Variants in MIPEP observed in about 807,000 individuals in gnomAD.
The protein encoded by MIPEP is mitochondrial intermediate peptidase.
In MIPEP, 79 loss-of-function variants were observed where a neutral mutation model predicts 90.3. The observed-to-expected ratio is 0.87, with a 90% CI of 0.73 to 1.05. The LOEUF (loss-of-function observed/expected upper bound fraction) is 1.05. Ranked by LOEUF, MIPEP falls within the 50% of genes least tolerant of loss-of-function variation. The pLI, the probability that MIPEP is intolerant of heterozygous loss-of-function variation, is 0.00. For missense variants in MIPEP, 940 were observed against 905.6 expected (o/e 1.04, Z -0.49); for synonymous variants, 334 against 315.8 (o/e 1.06, Z -0.61).
At chr13:23,822,298 A>C (rs1428843738) in intron 14 of MIPEP, among the ~76,000 whole-genome samples, 3 of 152,342 alleles carry the variant, frequency 2.0e-5, no homozygotes, top group Non-Finnish European at 4.4e-5. Context: ...GTTTATTTTT[A>C]AAAACTCAAG....
At chr13:23,841,605 CA>C in intron 10 of MIPEP, 117 bp from the exon 11 acceptor site, 1 of 1,125,254 alleles carries the variant, frequency 8.9e-7, no homozygotes, top group Non-Finnish European at 1.2e-6. Context: ...GGATTCAAAA[CA>C]TAAAAGTGTA....
chr13:23,857,633 A>G (rs1205159019), intron 10 of MIPEP, among the ~76,000 whole-genome samples: 3 of 152,210 alleles, frequency 2.0e-5, no homozygotes, highest in African/African-American at 7.2e-5. Context: ...ATTCTTAACT[A>G]AAGGTTAGGA....
At chr13:23,825,893 A>C (rs1432566823) in intron 14 of MIPEP, among the ~76,000 whole-genome samples, 2 of 152,156 alleles carry the variant, frequency 1.3e-5, no homozygotes, top group Non-Finnish European at 2.9e-5. Context: ...AGTGAGTATT[A>C]ACTTCTCTTA....
chr13:23,832,992 T>C (rs1223971229), intron 14 of MIPEP, among the ~76,000 whole-genome samples: 4 of 152,218 alleles, frequency 2.6e-5, no homozygotes, highest in Non-Finnish European at 1.5e-5. Flanking sequence ...TATGCTATGA[T>C]ATAGTTCTGA....
Position 23,889,182 on chromosome 13 carries a change from A to G in MIPEP, c.139T>C (p.Phe47Leu). Reference sequence around the variant, plus strand: ...CGGCTGCCCTGGGGCTTGACATTGAAGGCGGCGCCCACGGGAGACCAGCTG... The same window carrying G: ...CGGCTGCCCTGGGGCTTGACATTGAGGGCGGCGCCCACGGGAGACCAGCTG... ...STSWSPVGAA[F>L]NVKPQGSRLD... The change falls in exon 1 of 19, where the codon TTC becomes CTC. Residue 47 changes from phenylalanine (F) to leucine (L), a missense_variant. Coordinates refer to ENST00000382172, the MANE Select transcript of MIPEP (RefSeq NM_005932.4). The G allele has an allele frequency of 6.8e-7, 1 of 1,466,292 alleles. No individual in the cohort carries two copies. The highest frequency in any genetic ancestry group is 2.9e-5 in the East Asian group (1 of 34,248). The allele number at this position is 1,466,292 out of a possible 1,614,324, so 90.8% of individuals were successfully genotyped here.
intron 15 of MIPEP, among the ~76,000 whole-genome samples, chr13:23,807,907 A>T (rs1953128560): frequency 1.3e-5 from 2 of 152,318 alleles, no homozygotes; most frequent in South Asian, 4.1e-4. Flanking sequence ...AACAGAGCAA[A>T]ATAAATTAAA....
intron 18 of MIPEP, among the ~76,000 whole-genome samples, chr13:23,732,197 C>A (rs1952213631): frequency 6.6e-6 from 1 of 151,852 alleles, no homozygotes; most frequent in South Asian, 2.1e-4. Flanking sequence ...TCATGTTGCC[C>A]AGGCTGGTCT....
At chr13:23,777,280 A>G (rs919084057) in intron 16 of MIPEP, among the ~76,000 whole-genome samples, 1 of 152,200 alleles carries the variant, frequency 6.6e-6, no homozygotes, top group Non-Finnish European at 1.5e-5. Flanking sequence ...GCAAGTCTCT[A>G]CTGATCTTGC....
At chr13:23,802,180 A>G (rs2137394395) in intron 16 of MIPEP, among the ~76,000 whole-genome samples, 1 of 152,182 alleles carries the variant, frequency 6.6e-6, no homozygotes, top group East Asian at 1.9e-4. Context: ...GAGTATTGTA[A>G]TGTGGTTTTA....
intron 18 of MIPEP, among the ~76,000 whole-genome samples, chr13:23,753,095 G>T (rs575523958): frequency 6.6e-6 from 1 of 152,122 alleles, no homozygotes; most frequent in African/African-American, 2.4e-5. Context: ...GGGCATGGTG[G>T]CACATGCCTG....
chr13:23,841,589 AAAG>A, intron 10 of MIPEP, 101 bp from the exon 11 acceptor site: 1 of 1,272,736 alleles, frequency 7.9e-7, no homozygotes, highest in South Asian at 1.6e-5. Context: ...CACTGGAGCT[AAAG>A]AAGGATTCAA....
In MIPEP at chr13:23,864,735, C is replaced by CA. The variant is rs373133876; in HGVS notation, c.944-547dup. Among the ~76,000 whole-genome samples, 15 of 85,248 alleles carry CA rather than the reference C, an allele frequency of 1.8e-4. 1 individual carries two copies. Among genetic ancestry groups the CA allele is most frequent in the African/African-American group, 3.7e-4 (8 of 21,768 alleles). 55.9% of individuals were successfully genotyped at this position (85,248 alleles called of 152,430 possible). ...TGGGCAAGAAAGTGAGACTCCATCT[C>CA]AAAAAAAAAAAAAAAAAGAGTTAAT... is the stretch of plus-strand genomic sequence containing the variant. On this transcript the variant is annotated intron_variant, in intron 7 of 18. Transcript: ENST00000382172.
At chr13:23,780,547 C>T (rs1952770264) in intron 16 of MIPEP, among the ~76,000 whole-genome samples, 4 of 152,132 alleles carry the variant, frequency 2.6e-5, no homozygotes, top group Admixed American at 2.0e-4. Context: ...ATCAGAGCGC[C>T]TCTCCCCCTC....
chr13:23,784,694 A>G (rs528962134), intron 16 of MIPEP, among the ~76,000 whole-genome samples: 12 of 152,374 alleles, frequency 7.9e-5, no homozygotes, highest in African/African-American at 2.9e-4. Flanking sequence ...CATCAGAGTG[A>G]ACAGGCAACC....
At position 23,747,477 on chromosome 13, in the gene MIPEP, G is replaced by A. The variant is rs570374755; in HGVS notation, c.2044+9068C>T. The A allele has an allele frequency of 2.6e-3, 1,239 of 476,972 alleles. 27 individuals are homozygous for A. Among genetic ancestry groups the A allele is most frequent in the South Asian group, 0.013 (878 of 65,632 alleles). The allele number at this position is 476,972 out of a possible 1,614,324, so 29.5% of individuals were successfully genotyped here. A position where few individuals can be genotyped will look rare whatever the true frequency, so the allele number is the denominator to read the frequency against. The stretch of plus-strand genomic sequence containing the variant: ...TTAACAGTCAGTACTCGTCCAGTGG[G>A]CAGAACCAAGCACTGTACTAGAACA... On this transcript the variant is annotated intron_variant, in intron 18 of 18. Transcript: ENST00000382172.
intron 5 of MIPEP, among the ~76,000 whole-genome samples, chr13:23,873,844 C>T (rs1870941912): frequency 6.6e-6 from 1 of 152,144 alleles, no homozygotes; most frequent in Non-Finnish European, 1.5e-5. Flanking sequence ...ACAGTAGAGC[C>T]CATAAGCCTC....
In MIPEP at chr13:23,760,001, T is replaced by C. The variant is rs557408244; in HGVS notation, c.1970+95A>G. 3.3e-6 allele frequency: 5 copies of C among 1,500,562 alleles called. No homozygotes were observed. The East Asian group carries it at 9.1e-5, about 27-fold the overall frequency. The allele number at this position is 1,500,562 out of a possible 1,614,324, so 93.0% of individuals were successfully genotyped here. A position where few individuals can be genotyped will look rare whatever the true frequency, so the allele number is the denominator to read the frequency against. On this transcript the variant is annotated intron_variant, in intron 17 of 18. Transcript: ENST00000382172. The stretch of plus-strand genomic sequence containing the variant: ...CTTTCTGCCAGGTTTGGCTGTGTTA[T>C]GTGGGCTGCAGTTCTCGAGCCCGAC...
At chr13:23,754,732 C>A (rs533125644) in intron 18 of MIPEP, among the ~76,000 whole-genome samples, 1 of 152,324 alleles carries the variant, frequency 6.6e-6, no homozygotes, top group East Asian at 1.9e-4. Flanking sequence ...CCAAGCACGG[C>A]TGCCAGGAAC....
At chr13:23,773,899 T>A (rs1435019625) in intron 16 of MIPEP, among the ~76,000 whole-genome samples, 1 of 152,206 alleles carries the variant, frequency 6.6e-6, no homozygotes, top group Non-Finnish European at 1.5e-5. Context: ...AAATTTGAAC[T>A]CATTAAAATT....
Sources: allele counts gnomAD v4.1 joint callset (sites outside exome capture counted in the v4.1 genomes callset), GRCh38; gene constraint gnomAD v4.1.1; transcripts MANE v1.5; gene names NCBI Gene and HGNC (gene_info 2026-07-23, HGNC 2026-07-21).